The following MEP1B variants were observed in gnomAD, a reference collection of about 807,000 sequenced individuals.
MEP1B encodes meprin A subunit beta.
MEP1B carries 80 observed loss-of-function variants against 84.6 expected under a neutral mutation model. That is an observed-to-expected ratio of 0.95 (90% CI 0.79 to 1.14). The LOEUF (loss-of-function observed/expected upper bound fraction) is 1.14. Among genes scored for constraint, MEP1B ranks in the 50% most tolerant of loss-of-function variants. The pLI, the probability that MEP1B is intolerant of heterozygous loss-of-function variation, is 0.00. For synonymous variants in MEP1B, 273 were observed against 288.1 expected, an observed-to-expected ratio of 0.95 and a Z score of 0.53; for missense variants, 766 against 855.1, an observed-to-expected ratio of 0.90 and a Z score of 1.30.
intron 5 of MEP1B, 73 bp downstream of exon 5, chr18:32,195,558 G>A (rs2040844601): frequency 1.9e-6 from 2 of 1,035,960 alleles, no homozygotes; most frequent in East Asian, 2.4e-5. Flanking sequence ...GTTTCAAAGG[G>A]TGGGCTTATA....
At chr18:32,199,614 T>A (rs1255386247) in intron 5 of MEP1B, among the ~76,000 whole-genome samples, 1 of 152,178 alleles carries the variant, frequency 6.6e-6, no homozygotes, top group South Asian at 2.1e-4. Flanking sequence ...AGTCTTTTGA[T>A]TAAAAAATTT....
Position 32,192,640 on chromosome 18 carries a change from T to C in MEP1B, c.83-6T>C, listed in dbSNP as rs1414528958. On this transcript the variant is annotated splice_region_variant and splice_polypyrimidine_tract_variant and intron_variant, in intron 2 of 14. Transcript: ENST00000269202. Reference sequence around the variant, plus strand: ...CAATTTTTTGTTGTTGTTGTTTTAATCAAAGATGTAGATGGCGGAATGGAC... The same window carrying C: ...CAATTTTTTGTTGTTGTTGTTTTAACCAAAGATGTAGATGGCGGAATGGAC... 1.2e-6 allele frequency: 2 copies of C among 1,612,708 alleles called. No homozygotes were observed. Among genetic ancestry groups the C allele is most frequent in the East Asian group, 4.5e-5 (2 of 44,814 alleles).
chr18:32,217,440 T>C (rs759537606), intron 13 of MEP1B, among the ~76,000 whole-genome samples: 5 of 152,208 alleles, frequency 3.3e-5, no homozygotes, highest in Non-Finnish European at 5.9e-5. Context: ...TGAGGAGCCC[T>C]TGGCCAAGAT....
At position 32,204,205 on chromosome 18, in the gene MEP1B, G is replaced by C. The variant is rs761898238; in HGVS notation, c.392G>C (p.Arg131Thr). 8.8e-5 allele frequency: 142 copies of C among 1,606,518 alleles called. No individual in the cohort carries two copies. Among genetic ancestry groups the C allele is most frequent in the Non-Finnish European group, 1.1e-4 (128 of 1,176,720 alleles). Residue 131 changes from arginine to threonine, a missense_variant, in exon 7 of 15, where the codon AGG becomes ACG. Coordinates refer to ENST00000269202, the MANE Select transcript of MEP1B (RefSeq NM_005925.3). Reference sequence around the variant, plus strand: ...AGCTGCTGGTCTTCAGTAGGAAATAGGCGGGTTGGGAAGCAAGAACTTTCC... The same window carrying C: ...AGCTGCTGGTCTTCAGTAGGAAATACGCGGGTTGGGAAGCAAGAACTTTCC... ...GSGCWSSVGN[R>T]RVGKQELSIG... is the part of the protein sequence containing the mutation.
intron 12 of MEP1B, among the ~76,000 whole-genome samples, chr18:32,216,030 A>G (rs2041086784): frequency 6.8e-6 from 1 of 147,110 alleles, no homozygotes; most frequent in Non-Finnish European, 1.5e-5. Context: ...CTTGACAGAA[A>G]TGACATTAAT....
intron 10 of MEP1B, among the ~76,000 whole-genome samples, chr18:32,212,615 T>C (rs1383175478): frequency 1.3e-5 from 2 of 152,194 alleles, no homozygotes; most frequent in Non-Finnish European, 1.5e-5. Context: ...GATTGCAGGA[T>C]GTAGGCTTTC....
chr18:32,218,323 G>A (rs1342004392), intron 14 of MEP1B, among the ~76,000 whole-genome samples: 1 of 152,122 alleles, frequency 6.6e-6, no homozygotes, highest in Admixed American at 6.5e-5. Context: ...AAGTGTTTTT[G>A]TTCTAAAGGT....
intron 7 of MEP1B, among the ~76,000 whole-genome samples, chr18:32,205,728 G>A (rs913463636): frequency 1.3e-5 from 2 of 152,090 alleles, no homozygotes; most frequent in African/African-American, 4.8e-5. Flanking sequence ...TTAGTATAAT[G>A]CTAAATGGCC....
rs1568269774 is a variant in MEP1B, at chr18:32,208,101, GTTTT to G, written c.767-15_767-12del. 6.2e-7 allele frequency: 1 copy of G among 1,612,012 alleles called. No individual in the cohort carries two copies. Reference sequence around the variant, plus strand: ...TCATGTTGTATGAGTGTCAATAATTGTTTTTTGCTTTTTGTAGCCTCTTCCTTGA... The same window carrying G: ...TCATGTTGTATGAGTGTCAATAATTGTTGCTTTTTGTAGCCTCTTCCTTGA... On this transcript the variant is annotated splice_polypyrimidine_tract_variant and intron_variant, in intron 8 of 14. Transcript: ENST00000269202.
At chr18:32,206,193 G>T (rs1400315252) in intron 7 of MEP1B, among the ~76,000 whole-genome samples, 1 of 151,326 alleles carries the variant, frequency 6.6e-6, no homozygotes, top group Non-Finnish European at 1.5e-5. Context: ...TGTTGGCCAG[G>T]CTGGTTCATT....
chr18:32,202,571 T>C (rs1401898157), intron 5 of MEP1B, among the ~76,000 whole-genome samples: 4 of 152,232 alleles, frequency 2.6e-5, no homozygotes, highest in East Asian at 1.9e-4. Context: ...AAGTACGTGA[T>C]GGTGATTATT....
At chr18:32,208,028 C>A in intron 8 of MEP1B, 91 bp from the exon 9 acceptor site, 1 of 1,358,300 alleles carries the variant, frequency 7.4e-7, no homozygotes, top group African/African-American at 1.4e-5. Context: ...TAATACCAAC[C>A]TGGCATTTCT....
chr18:32,200,431 T>A (rs2040900627), intron 5 of MEP1B, among the ~76,000 whole-genome samples: 1 of 152,208 alleles, frequency 6.6e-6, no homozygotes, highest in Non-Finnish European at 1.5e-5. Context: ...TTATTTCTTA[T>A]TTAGAAAATA....
intron 1 of MEP1B, among the ~76,000 whole-genome samples, chr18:32,190,796 C>CA (rs1479880400): frequency 6.6e-6 from 1 of 152,046 alleles, no homozygotes; most frequent in Non-Finnish European, 1.5e-5. Context: ...TCTGTAGGTG[C>CA]ACTGGCATTC....
intron 9 of MEP1B, 50 bp downstream of exon 9, chr18:32,208,321 C>T: frequency 6.8e-7 from 1 of 1,463,504 alleles, no homozygotes; most frequent in South Asian, 1.5e-5. Flanking sequence ...GCTACAGCCA[C>T]ATACTTCTCT....
At chr18:32,198,018 T>C (rs1347191486) in intron 5 of MEP1B, among the ~76,000 whole-genome samples, 2 of 152,236 alleles carry the variant, frequency 1.3e-5, no homozygotes, top group African/African-American at 2.4e-5. Context: ...TTAAAGATCA[T>C]GCATTTCAGT....
At chr18:32,194,898 A>C (rs2040837295) in intron 4 of MEP1B, among the ~76,000 whole-genome samples, 1 of 152,058 alleles carries the variant, frequency 6.6e-6, no homozygotes, top group Non-Finnish European at 1.5e-5. Flanking sequence ...CTTTATTACC[A>C]AGGAATCTCT....
chr18:32,218,949 A>G (rs1348137668), intron 14 of MEP1B, among the ~76,000 whole-genome samples: 2 of 152,238 alleles, frequency 1.3e-5, no homozygotes, highest in South Asian at 4.1e-4. Context: ...ATGCAGATTC[A>G]TATTCCTCTC....
intron 9 of MEP1B, among the ~76,000 whole-genome samples, chr18:32,208,791 A>G (rs1192717604): frequency 6.6e-6 from 1 of 152,232 alleles, no homozygotes; most frequent in Non-Finnish European, 1.5e-5. Flanking sequence ...TACAAGGACC[A>G]AATTTTTACG....
Sources: gnomAD v4.1 joint callset for allele counts (sites outside exome capture counted in the v4.1 genomes callset) on GRCh38, gnomAD v4.1.1 for gene constraint, MANE v1.5 for transcripts, NCBI Gene and HGNC (gene_info 2026-07-23, HGNC 2026-07-21) for gene names.